The following RALA variants were observed in gnomAD, a reference collection of about 807,000 sequenced individuals.
RALA encodes the protein ras-related protein Ral-A.
A neutral mutation model predicts 24.0 loss-of-function variants in RALA; 5 were observed. The observed-to-expected ratio is 0.21, with a 90% CI of 0.11 to 0.44. RALA has a LOEUF of 0.44. Among genes scored for constraint, RALA ranks in the 20% least tolerant of loss-of-function variants. RALA has a pLI of 0.99. For synonymous variants in RALA, 77 were observed against 83.8 expected, an observed-to-expected ratio of 0.92 and a Z score of 0.44; for missense variants, 95 against 241.2, an observed-to-expected ratio of 0.39 and a Z score of 4.01.
intron 1 of RALA, among the ~76,000 whole-genome samples, chr7:39,673,542 A>G (rs1792425315): frequency 6.6e-6 from 1 of 152,072 alleles, no homozygotes; most frequent in African/African-American, 2.4e-5. Context: ...TGGGTCTTTC[A>G]TTATATATTC....
At chr7:39,675,782 G>T (rs1792476778) in intron 1 of RALA, among the ~76,000 whole-genome samples, 1 of 150,328 alleles carries the variant, frequency 6.7e-6, no homozygotes, top group Admixed American at 6.6e-5. Flanking sequence ...CCTTTTCTTG[G>T]TCATGTATAT....
intron 1 of RALA, among the ~76,000 whole-genome samples, chr7:39,639,156 A>C (rs1054748192): frequency 1.3e-5 from 2 of 152,238 alleles, no homozygotes; most frequent in Non-Finnish European, 2.9e-5. Flanking sequence ...AAGTTTCTGT[A>C]GCATATTTCT....
chr7:39,624,253 C>T (rs1286623195), intron 1 of RALA: 1 of 152,174 alleles, frequency 6.6e-6, no homozygotes, highest in Non-Finnish European at 1.5e-5. Context: ...GTGCTAGAGC[C>T]GCTGCTTTTT....
rs550593674 is a variant in RALA, at chr7:39,638,319, C to T, written c.-38+14494C>T. On this transcript the variant is annotated intron_variant, in intron 1 of 4. Coordinates refer to ENST00000005257, the MANE Select transcript of RALA (RefSeq NM_005402.4). ...ATTTTTCTAAGGTTATAATAGGGAT[C>T]TTCATAAATTTGCCCTTTCCGGATG... Among the ~76,000 whole-genome samples, 139 of 152,238 alleles carry T rather than the reference C, an allele frequency of 9.1e-4. 1 individual carries two copies. The highest frequency in any genetic ancestry group is 3.3e-3 in the African/African-American group (137 of 41,534).
chr7:39,653,035 A>AT (rs1210112337), intron 1 of RALA, among the ~76,000 whole-genome samples: 6 of 145,354 alleles, frequency 4.1e-5, no homozygotes, highest in South Asian at 4.4e-4. Flanking sequence ...TATTATTATT[A>AT]TTATTATTTT....
chr7:39,659,524 C>T (rs1792149942), intron 1 of RALA, among the ~76,000 whole-genome samples: 1 of 151,912 alleles, frequency 6.6e-6, no homozygotes, highest in South Asian at 2.1e-4. Flanking sequence ...GGCTGTAGTT[C>T]GTTATTAACT....
At chr7:39,696,158 A>G (rs932567897) in intron 3 of RALA, among the ~76,000 whole-genome samples, 6 of 152,224 alleles carry the variant, frequency 3.9e-5, no homozygotes, top group Admixed American at 6.5e-5. Context: ...TGCAAAATCT[A>G]TGCTCAAGGT....
chr7:39,635,088 G>A (rs1003306817), intron 1 of RALA, among the ~76,000 whole-genome samples: 33 of 152,120 alleles, frequency 2.2e-4, no homozygotes, highest in African/African-American at 8.0e-4. Context: ...GGTGGCTCAC[G>A]CCTGTAATTC....
chr7:39,669,248 C>T (rs988700703), intron 1 of RALA, among the ~76,000 whole-genome samples: 1 of 152,136 alleles, frequency 6.6e-6, no homozygotes, highest in Non-Finnish European at 1.5e-5. Flanking sequence ...ATTTTAAGAT[C>T]TTTGAAGTCA....
At chr7:39,695,457 G>A (rs1014858034) in intron 3 of RALA, among the ~76,000 whole-genome samples, 1 of 151,638 alleles carries the variant, frequency 6.6e-6, no homozygotes, top group Non-Finnish European at 1.5e-5. Context: ...TGTCATCCAG[G>A]CTAGAGTACA....
intron 1 of RALA, among the ~76,000 whole-genome samples, chr7:39,650,596 C>T (rs759699381): frequency 2.0e-5 from 3 of 152,062 alleles, no homozygotes; most frequent in South Asian, 2.1e-4. Context: ...CTTGCAGTCT[C>T]GGTGCTTTTT....
intron 2 of RALA, among the ~76,000 whole-genome samples, chr7:39,687,713 C>G (rs1023649835): frequency 6.6e-6 from 1 of 152,160 alleles, no homozygotes; most frequent in African/African-American, 2.4e-5. Context: ...TGTTTTCTCC[C>G]AACAAAAGCC....
intron 1 of RALA, among the ~76,000 whole-genome samples, chr7:39,631,071 G>A (rs769583929): frequency 1.4e-5 from 2 of 146,936 alleles, no homozygotes; most frequent in African/African-American, 2.5e-5. Context: ...GCAGTGGTGC[G>A]ATCTCAGCTC....
rs544736723 is a variant in RALA at position 39,663,195 on chromosome 7, A to G, written c.-37-23436A>G. On this transcript the variant is annotated intron_variant, in intron 1 of 4. Transcript: ENST00000005257. ...ACCAAATCATATCACATACAAACAC[A>G]ACTATATGTGGTGCCATTTGCAGTC... Among the ~76,000 whole-genome samples the G allele has an allele frequency of 7.1e-4, 108 of 152,312 alleles. 1 individual carries two copies. Among genetic ancestry groups the G allele is most frequent in the Middle Eastern group, 3.4e-3 (1 of 294 alleles).
chr7:39,698,259 C>T (rs1792957721), intron 4 of RALA, among the ~76,000 whole-genome samples: 1 of 152,098 alleles, frequency 6.6e-6, no homozygotes, highest in African/African-American at 2.4e-5. Context: ...ATAAGGAATT[C>T]GGGTTTCAGT....
chr7:39,691,448 G>A (rs1391358568), intron 3 of RALA, among the ~76,000 whole-genome samples: 2 of 152,180 alleles, frequency 1.3e-5, no homozygotes, highest in Non-Finnish European at 2.9e-5. Context: ...TTAACCAAGA[G>A]CAAGTTAGTG....
intron 4 of RALA, among the ~76,000 whole-genome samples, chr7:39,705,426 G>T (rs972021378): frequency 6.6e-6 from 1 of 152,222 alleles, no homozygotes; most frequent in Non-Finnish European, 1.5e-5. Flanking sequence ...TGGAGTAGGA[G>T]TGTGAGTGTG....
At chr7:39,659,584 G>A (rs1036508294) in intron 1 of RALA, among the ~76,000 whole-genome samples, 12 of 152,080 alleles carry the variant, frequency 7.9e-5, no homozygotes, top group East Asian at 5.8e-4. Flanking sequence ...TAATTTTATC[G>A]TAGCCAAGAG....
chr7:39,692,542 A>T (rs943227867), intron 3 of RALA, among the ~76,000 whole-genome samples: 24 of 152,210 alleles, frequency 1.6e-4, no homozygotes, highest in African/African-American at 5.5e-4. Flanking sequence ...CAAAATGTAT[A>T]TGAAGTTTAT....
Sources: allele counts gnomAD v4.1 joint callset (sites outside exome capture counted in the v4.1 genomes callset), GRCh38; gene constraint gnomAD v4.1.1; transcripts MANE v1.5; gene names NCBI Gene and HGNC (gene_info 2026-07-23, HGNC 2026-07-21).